Variants in SLCO5A1 observed in about 807,000 individuals in gnomAD.
SLCO5A1 encodes the protein solute carrier organic anion transporter family member 5A1, also known as organic anion transporter polypeptide-related protein 4.
SLCO5A1 carries 39 observed loss-of-function variants against 65.1 expected under a neutral mutation model. The ratio of observed to expected loss-of-function variants is 0.60; its 90% CI spans 0.46 to 0.78. The LOEUF (loss-of-function observed/expected upper bound fraction) is 0.78. Among genes scored for constraint, SLCO5A1 ranks in the 30% least tolerant of loss-of-function variants. The pLI is 0.00. For missense variants in SLCO5A1, 1,029 were observed against 1,069.4 expected (o/e 0.96, Z 0.53); for synonymous variants, 438 against 415.7 (o/e 1.05, Z -0.65).
intron 5 of SLCO5A1, among the ~76,000 whole-genome samples, chr8:69,728,138 A>G (rs191905809): frequency 8.3e-4 from 126 of 152,338 alleles, no homozygotes; most frequent in Non-Finnish European, 1.5e-3. Context: ...ATGGTACAGA[A>G]CAGGGCATAT....
chr8:69,745,662 C>T (rs755362965), intron 4 of SLCO5A1, among the ~76,000 whole-genome samples: 12 of 151,902 alleles, frequency 7.9e-5, no homozygotes, highest in Admixed American at 7.2e-4. Flanking sequence ...ATTTAGTAGC[C>T]CAGGCAGTTT....
intron 5 of SLCO5A1, among the ~76,000 whole-genome samples, chr8:69,735,084 GATT>G (rs1378864858): frequency 6.6e-6 from 1 of 152,150 alleles, no homozygotes; most frequent in East Asian, 1.9e-4. Flanking sequence ...CAACATCACT[GATT>G]ATTAGAGAAA....
At chr8:69,731,446 C>A (rs1021827550) in intron 5 of SLCO5A1, among the ~76,000 whole-genome samples, 10 of 152,250 alleles carry the variant, frequency 6.6e-5, no homozygotes, top group African/African-American at 1.9e-4. Flanking sequence ...TTTGGGTCAT[C>A]TGAGTCTTAA....
rs1813334656 is a variant in SLCO5A1, at chr8:69,671,721, G to A, written c.*1148C>T. On this transcript the variant is annotated 3_prime_UTR_variant, in exon 10 of 10. Coordinates refer to ENST00000260126, the MANE Select transcript of SLCO5A1 (RefSeq NM_030958.3). ...CTGATAAAGTAGGGTTCTTTCGGAT[G>A]GACTGGTTTATTTTACATAATTTTC... is the stretch of plus-strand genomic sequence containing the variant. The A allele has an allele frequency of 1.3e-5, 2 of 152,106 alleles. No homozygotes were observed. The highest frequency in any genetic ancestry group is 2.1e-4 in the South Asian group (1 of 4,830). 9.4% of individuals were successfully genotyped at this position (152,106 alleles called of 1,614,324 possible). A position where few individuals can be genotyped will look rare whatever the true frequency, so the allele number is the denominator to read the frequency against.
In SLCO5A1 at chr8:69,729,446, CAAAAA is replaced by C. The variant is rs56392223; in HGVS notation, c.1423+8589_1423+8593del. On this transcript the variant is annotated intron_variant, in intron 5 of 9. Coordinates refer to ENST00000260126, the MANE Select transcript of SLCO5A1 (RefSeq NM_030958.3). ...GCGAAAGAGCGAGACTCCGTCCCAA[CAAAAA>C]AAAAAAAAAAAAAAAAAAAAAGATA... Among the ~76,000 whole-genome samples, 137 of 80,520 alleles carry C rather than the reference CAAAAA, an allele frequency of 1.7e-3. 1 individual carries two copies. The highest frequency in any genetic ancestry group is 2.3e-3 in the Non-Finnish European group (107 of 46,396). The allele number at this position is 80,520 out of a possible 152,430, so 52.8% of individuals were successfully genotyped here.
At chr8:69,730,102 C>G (rs1816264482) in intron 5 of SLCO5A1, among the ~76,000 whole-genome samples, 1 of 152,196 alleles carries the variant, frequency 6.6e-6, no homozygotes, top group Admixed American at 6.5e-5. Context: ...GGGGAATGAT[C>G]ACTCACATTT....
In SLCO5A1 at chr8:69,669,839, T is replaced by C. The variant is rs918254396; in HGVS notation, c.*3030A>G. ...TCAAAAAAAAAAAAAGAATCAAATC[T>C]TTGCAAGGTAATTAAGAGGATCAAA... On this transcript the variant is annotated 3_prime_UTR_variant, in exon 10 of 10. Transcript: ENST00000260126. 1 of 151,834 alleles carries C rather than the reference T, an allele frequency of 6.6e-6. No individual in the cohort carries two copies. Among genetic ancestry groups the C allele is most frequent in the Admixed American group, 6.6e-5 (1 of 15,220 alleles). The allele number at this position is 151,834 out of a possible 1,614,324, so 9.4% of individuals were successfully genotyped here.
rs181914700 is a variant in SLCO5A1 at position 69,721,900 on chromosome 8, G to T, written c.1423+16140C>A. Among the ~76,000 whole-genome samples the T allele has an allele frequency of 1.8e-4, 28 of 152,254 alleles. No individual in the cohort carries two copies. In the East Asian group the frequency reaches 4.6e-3, roughly 25 times the overall value. On this transcript the variant is annotated intron_variant, in intron 5 of 9. Transcript: ENST00000260126. The stretch of plus-strand genomic sequence containing the variant: ...TGAAATGTATTTATAAGCCAGGCAC[G>T]ATAGCTTATGCCTGTAATCCCAGAA...
At chr8:69,711,611 G>C (rs1815263705) in intron 5 of SLCO5A1, among the ~76,000 whole-genome samples, 1 of 152,192 alleles carries the variant, frequency 6.6e-6, no homozygotes. Flanking sequence ...TGTTCAAGAG[G>C]CAGATCCAGG....
At position 69,832,812 on chromosome 8, in the gene SLCO5A1, C is replaced by A; in HGVS notation, c.-139G>T. On this transcript the variant is annotated 5_prime_UTR_variant, in exon 2 of 10. Transcript: ENST00000260126. This position sits in a 1 kb window ranked among gnomAD's most constrained non-coding sequence, Gnocchi z 4.5. ...GGGCTGGGGGCGCAGGGCCGCGCAG[C>A]AGGGCATCCTCACCAGCTGCGAGGC... 1.0e-6 allele frequency: 1 copy of A among 975,506 alleles called. No individual in the cohort carries two copies. Among genetic ancestry groups the A allele is most frequent in the African/African-American group, 1.6e-5 (1 of 60,970 alleles). The allele number at this position is 975,506 out of a possible 1,614,324, so 60.4% of individuals were successfully genotyped here. A position where few individuals can be genotyped will look rare whatever the true frequency, so the allele number is the denominator to read the frequency against.
intron 2 of SLCO5A1, among the ~76,000 whole-genome samples, chr8:69,784,854 A>AGAAAGAAAGAAAGAAT (rs1289513733): frequency 6.7e-6 from 1 of 148,540 alleles, no homozygotes; most frequent in Admixed American, 6.8e-5. Flanking sequence ...AAAGAAAGAA[A>AGAAAGAAAGAAAGAAT]GAAAGAAAGG....
At chr8:69,727,914 C>A (rs1211063344) in intron 5 of SLCO5A1, among the ~76,000 whole-genome samples, 1 of 152,168 alleles carries the variant, frequency 6.6e-6, no homozygotes, top group Non-Finnish European at 1.5e-5. Flanking sequence ...AGCGCAAACG[C>A]AAACTACATG....
At chr8:69,755,944 T>G (rs531824622) in intron 3 of SLCO5A1, among the ~76,000 whole-genome samples, 53 of 152,348 alleles carry the variant, frequency 3.5e-4, no homozygotes, top group Non-Finnish European at 4.3e-4. Context: ...ATTGCTAACC[T>G]TCTACAATGT....
intron 2 of SLCO5A1, among the ~76,000 whole-genome samples, chr8:69,805,965 A>G (rs192148755): frequency 2.6e-5 from 4 of 152,330 alleles, no homozygotes; most frequent in Admixed American, 2.0e-4. Flanking sequence ...CTCCAAGACA[A>G]TAGTTTCCAA....
rs758368836 is a variant in SLCO5A1 at position 69,672,897 on chromosome 8, C to A, written c.2519G>T (p.Ser840Ile). ...SSSADPGLEESPAALEPPS is the reference protein window; with the variant it reads ...SSSADPGLEEIPAALEPPS Reference sequence around the variant, plus strand: ...GGAGGGCGGCTCCAAGGCAGCGGGGCTCTCTTCCAGCCCCGGGTCCGCAGA... The same window carrying A: ...GGAGGGCGGCTCCAAGGCAGCGGGGATCTCTTCCAGCCCCGGGTCCGCAGA... Residue 840 changes from serine (S) to isoleucine (I), a missense_variant, in exon 10 of 10, where the codon AGC becomes ATC. Ser to Ile is a moderately radical substitution (Grantham distance 142, BLOSUM62 -2). Coordinates refer to ENST00000260126, the MANE Select transcript of SLCO5A1 (RefSeq NM_030958.3). The A allele has an allele frequency of 3.1e-6, 5 of 1,613,060 alleles. No homozygotes were observed. Among genetic ancestry groups the A allele is most frequent in the Non-Finnish European group, 4.2e-6 (5 of 1,179,080 alleles).
chr8:69,693,229 T>C (rs1245230169), intron 6 of SLCO5A1, among the ~76,000 whole-genome samples: 1 of 152,252 alleles, frequency 6.6e-6, no homozygotes, highest in Non-Finnish European at 1.5e-5. Context: ...GACATTTAAG[T>C]TGCTTCCATA....
chr8:69,707,434 G>A (rs1338761429), intron 5 of SLCO5A1, among the ~76,000 whole-genome samples: 1 of 152,124 alleles, frequency 6.6e-6, no homozygotes, highest in East Asian at 1.9e-4. Flanking sequence ...ACAGAGGCAT[G>A]AAATAACGAA....
At chr8:69,813,738 A>G (rs1275673938) in intron 2 of SLCO5A1, among the ~76,000 whole-genome samples, 1 of 152,220 alleles carries the variant, frequency 6.6e-6, no homozygotes, top group Middle Eastern at 3.2e-3. Context: ...GTCGGACTGA[A>G]CAAAGCACAG....
At chr8:69,814,697 T>G (rs1820333926) in intron 2 of SLCO5A1, among the ~76,000 whole-genome samples, 1 of 152,182 alleles carries the variant, frequency 6.6e-6, no homozygotes, top group Non-Finnish European at 1.5e-5. Flanking sequence ...AGATTTGAAA[T>G]CACTTTGTCA....
Sources: allele counts gnomAD v4.1 joint callset (sites outside exome capture counted in the v4.1 genomes callset), GRCh38; gene constraint gnomAD v4.1.1; non-coding constraint Gnocchi (gnomAD v3.1); transcripts MANE v1.5; gene names NCBI Gene and HGNC (gene_info 2026-07-23, HGNC 2026-07-21).